The following CEMIP variants were observed in gnomAD, a reference collection of about 807,000 sequenced individuals.
CEMIP encodes cell migration-inducing and hyaluronan-binding protein.
Under a neutral mutation model 156.9 loss-of-function variants are expected in CEMIP, and 105 were observed. That is an observed-to-expected ratio of 0.67 (90% confidence interval 0.57 to 0.79). The LOEUF (loss-of-function observed/expected upper bound fraction) is 0.79, where lower values mean the gene tolerates loss of function less well. Ranked by LOEUF, CEMIP falls within the 30% of genes least tolerant of loss-of-function variation. The pLI, the probability that CEMIP is intolerant of heterozygous loss-of-function variation, is 0.00. For synonymous variants in CEMIP, 676 were observed against 668.4 expected, an observed-to-expected ratio of 1.01 and a Z score of -0.17; for missense variants, 1,457 against 1,769.4, an observed-to-expected ratio of 0.82 and a Z score of 3.17.
intron 1 of CEMIP, among the ~76,000 whole-genome samples, chr15:80,814,862 C>G (rs911112244): frequency 6.6e-6 from 1 of 152,198 alleles, no homozygotes; most frequent in East Asian, 1.9e-4. Flanking sequence ...TTTTTCTCTC[C>G]TTTTTTAAGA....
chr15:80,857,720 T>G (rs1897888166), intron 1 of CEMIP, among the ~76,000 whole-genome samples: 2 of 152,114 alleles, frequency 1.3e-5, no homozygotes, highest in African/African-American at 4.8e-5. Flanking sequence ...CTGAGTAGCA[T>G]CACCAACGGC....
chr15:80,900,301 G>A (rs1366851240), intron 12 of CEMIP, among the ~76,000 whole-genome samples: 2 of 144,850 alleles, frequency 1.4e-5, no homozygotes, highest in Non-Finnish European at 3.0e-5. Context: ...TGCTTCTGGA[G>A]GTCCCTGAAG....
At chr15:80,869,791 C>T (rs1342780228) in intron 1 of CEMIP, among the ~76,000 whole-genome samples, 1 of 152,154 alleles carries the variant, frequency 6.6e-6, no homozygotes, top group Non-Finnish European at 1.5e-5. Context: ...TTGACCCTCA[C>T]AACAATAGCT....
intron 10 of CEMIP, among the ~76,000 whole-genome samples, chr15:80,893,632 T>C (rs1899112214): frequency 6.6e-6 from 1 of 152,178 alleles, no homozygotes; most frequent in African/African-American, 2.4e-5. Context: ...AGCATCAGCG[T>C]TGACCTCCGT....
chr15:80,861,899 C>T (rs1447646391), intron 1 of CEMIP, among the ~76,000 whole-genome samples: 1 of 152,216 alleles, frequency 6.6e-6, no homozygotes, highest in East Asian at 1.9e-4. Flanking sequence ...AAGAGAGGCT[C>T]ATCTTACCTT....
intron 28 of CEMIP, among the ~76,000 whole-genome samples, chr15:80,945,191 G>A (rs1419268462): frequency 1.3e-5 from 2 of 152,232 alleles, no homozygotes; most frequent in Non-Finnish European, 2.9e-5. Context: ...GTGGGAGACT[G>A]TGCTGGCTGG....
intron 1 of CEMIP, among the ~76,000 whole-genome samples, chr15:80,845,292 G>C (rs374221454): frequency 2.6e-5 from 4 of 152,110 alleles, no homozygotes; most frequent in Admixed American, 6.5e-5. Flanking sequence ...TTAGCCAGGC[G>C]TGGTGGTGCA....
chr15:80,939,926 A>G (rs1901276916), intron 25 of CEMIP, among the ~76,000 whole-genome samples: 1 of 152,198 alleles, frequency 6.6e-6, no homozygotes, highest in African/African-American at 2.4e-5. Context: ...AAAATAAGTC[A>G]GCTAAAAGGG....
In CEMIP at chr15:80,888,778, T is replaced by C; in HGVS notation, c.946T>C (p.Ser316Pro). Residue 316 changes from serine (S) to proline (P), a missense_variant, in exon 9 of 30, where the codon TCC becomes CCC. Ser to Pro is a moderately conservative substitution (Grantham distance 74). Around this residue, in one of 5 missense-constraint regions of CEMIP, gnomAD observed 280 missense variants for 300.3 expected, o/e 0.93. Coordinates refer to ENST00000394685, the MANE Select transcript of CEMIP (RefSeq NM_001293298.2). The stretch of plus-strand genomic sequence containing the variant: ...TGGCGAATATTTCAATGTTTCTTTG[T>C]CCAGTGAGTGGGTTCAAGGTGAGGA... Reference protein sequence around the residue: ...EHGEYFNVSLSSEWVQDVEWT... With the variant: ...EHGEYFNVSLPSEWVQDVEWT... 1 of 1,614,116 alleles carries C rather than the reference T, an allele frequency of 6.2e-7. No individual in the cohort carries two copies. Among genetic ancestry groups the C allele is most frequent in the Non-Finnish European group, 8.5e-7 (1 of 1,179,980 alleles).
At chr15:80,933,539 C>A in intron 23 of CEMIP, 79 bp downstream of exon 23, 1 of 1,135,736 alleles carries the variant, frequency 8.8e-7, no homozygotes, top group Non-Finnish European at 1.3e-6. Context: ...TACTCTATGC[C>A]TGGCTCTGTT....
At position 80,850,021 on chromosome 15, in the gene CEMIP, A is replaced by ACAAG. The variant is rs151296875; in HGVS notation, c.-175-23516_-175-23513dup. On this transcript the variant is annotated intron_variant, in intron 1 of 29. Transcript: ENST00000394685. ...AGAGGGCGGCACCGCAAGCTTTAGA[A>ACAAG]CAAGACTGGAGCATAGTGAATATGT... is the stretch of plus-strand genomic sequence containing the variant. Among the ~76,000 whole-genome samples the ACAAG allele has an allele frequency of 2.4e-3, 364 of 152,350 alleles. 1 individual carries two copies. The highest frequency in any genetic ancestry group is 8.2e-3 in the African/African-American group (343 of 41,580).
chr15:80,889,238 GA>G (rs1898955305), intron 9 of CEMIP, among the ~76,000 whole-genome samples: 1 of 152,186 alleles, frequency 6.6e-6, no homozygotes, highest in Admixed American at 6.5e-5. Flanking sequence ...CAATAACAAA[GA>G]ATATAAATTG....
At chr15:80,849,546 C>T (rs1897660904) in intron 1 of CEMIP, among the ~76,000 whole-genome samples, 1 of 152,156 alleles carries the variant, frequency 6.6e-6, no homozygotes, top group South Asian at 2.1e-4. Context: ...CTGCCAGTGA[C>T]CTGAGGGTTC....
chr15:80,806,440 T>C (rs1456876494), intron 1 of CEMIP, among the ~76,000 whole-genome samples: 1 of 152,192 alleles, frequency 6.6e-6, no homozygotes, highest in African/African-American at 2.4e-5. Context: ...TGAGCGCTCA[T>C]AGAAGAAAAA....
chr15:80,867,159 C>A (rs905486596), intron 1 of CEMIP, among the ~76,000 whole-genome samples: 3 of 152,200 alleles, frequency 2.0e-5, no homozygotes, highest in Non-Finnish European at 4.4e-5. Context: ...CAGCAACAGC[C>A]TCCCCTGGGA....
At chr15:80,802,173 CT>C in intron 1 of CEMIP, among the ~76,000 whole-genome samples, 1 of 152,198 alleles carries the variant, frequency 6.6e-6, no homozygotes, top group South Asian at 2.1e-4. Context: ...TTTCTAATCT[CT>C]GAGTAACAAG....
chr15:80,889,983 C>T (rs777374024), intron 10 of CEMIP, among the ~76,000 whole-genome samples: 28 of 152,326 alleles, frequency 1.8e-4, no homozygotes, highest in Non-Finnish European at 2.9e-4. Flanking sequence ...GGAGAACACA[C>T]GCATGGCCTT....
At chr15:80,876,470 A>G (rs1419016389) in intron 3 of CEMIP, among the ~76,000 whole-genome samples, 1 of 152,182 alleles carries the variant, frequency 6.6e-6, no homozygotes, top group East Asian at 1.9e-4. Flanking sequence ...GCCCCTTGAC[A>G]TTTACAATAG....
intron 1 of CEMIP, among the ~76,000 whole-genome samples, chr15:80,856,169 G>A (rs1424361676): frequency 1.3e-5 from 2 of 152,206 alleles, no homozygotes; most frequent in Admixed American, 1.3e-4. Context: ...TGATGATAAT[G>A]TTCTGGACAT....
Sources: allele counts gnomAD v4.1 joint callset (sites outside exome capture counted in the v4.1 genomes callset), GRCh38; gene constraint gnomAD v4.1.1; regional missense constraint gnomAD v4.1.1; transcripts MANE v1.5; gene names NCBI Gene and HGNC (gene_info 2026-07-23, HGNC 2026-07-21).